CD44: variants seen among roughly 807,000 people sequenced by gnomAD.
CD44 encodes CD44 antigen.
CD44 carries 49 observed loss-of-function variants against 88.8 expected under a neutral mutation model. That is an observed-to-expected ratio of 0.55 (90% CI 0.44 to 0.70). CD44 has a LOEUF of 0.70. Ranked by LOEUF, CD44 falls within the 30% of genes least tolerant of loss-of-function variation. The probability of loss-of-function intolerance (pLI) is 0.00; values close to 1 mark genes in which losing one functional copy is unlikely to be tolerated. For missense variants in CD44, 883 were observed against 913.8 expected, an observed-to-expected ratio of 0.97 and a Z score of 0.43; for synonymous variants, 325 against 312.3, an observed-to-expected ratio of 1.04 and a Z score of -0.43.
chr11:35,223,907 A>T (rs1226284823), intron 17 of CD44, among the ~76,000 whole-genome samples: 1 of 152,190 alleles, frequency 6.6e-6, no homozygotes, highest in East Asian at 1.9e-4. Context: ...TGGGGCCTCC[A>T]ATAGGTGTTC....
rs777053022 is a variant in CD44, at chr11:35,206,238, G to A, written c.1409G>A (p.Arg470Lys). 1 of 1,607,596 alleles carries A rather than the reference G, an allele frequency of 6.2e-7. No individual in the cohort carries two copies. Among genetic ancestry groups the A allele is most frequent in the Non-Finnish European group, 8.5e-7 (1 of 1,177,278 alleles). The change falls in exon 11 of 18, where the codon AGG becomes AAG. Residue 470 changes from arginine (R) to lysine (K), a missense_variant. Physicochemically the swap from Arg to Lys is conservative, Grantham distance 26. Transcript: ENST00000428726. ...PMGRGHQAGR[R>K]MDMDSSHSIT... ...GGACGAGGTCATCAAGCAGGAAGAA[G>A]GATGGGTAATAGCCTCTGAGATTTT...
intron 15 of CD44, among the ~76,000 whole-genome samples, chr11:35,215,139 G>C (rs191258151): frequency 9.8e-5 from 15 of 152,338 alleles, no homozygotes; most frequent in African/African-American, 3.6e-4. Flanking sequence ...TTTCTAATCA[G>C]TTCCCTGGTA....
In CD44 at chr11:35,214,226, A is replaced by AC. The variant is rs540355307; in HGVS notation, c.1811-623dup. 1.4e-4 allele frequency among the ~76,000 whole-genome samples: 21 copies of AC among 152,308 alleles called. No individual in the cohort carries two copies. In the South Asian group the frequency reaches 4.4e-3, roughly 32 times the overall value. On this transcript the variant is annotated intron_variant, in intron 14 of 17. Transcript: ENST00000428726. ...AAAATTATTTTAAACTTACTATAAT[A>AC]CCCATATTCCAATACACATTATTAA...
rs905784283 is a variant in CD44 at position 35,204,378 on chromosome 11, G to T, written c.1154-134G>T. ...TCATATCCCTTTTAGAATATCAGTG[G>T]CCTGTTTCCTTGGTGCCTTTCTTTT... is the stretch of plus-strand genomic sequence containing the variant. On this transcript the variant is annotated intron_variant, in intron 9 of 17. Transcript: ENST00000428726. 7 of 718,882 alleles carry T rather than the reference G, an allele frequency of 9.7e-6. No homozygotes were observed. The Admixed American group carries it at 1.8e-4, about 18-fold the overall frequency. The allele number at this position is 718,882 out of a possible 1,614,324, so 44.5% of individuals were successfully genotyped here. A position where few individuals can be genotyped will look rare whatever the true frequency, so the allele number is the denominator to read the frequency against.
chr11:35,201,838 A>G, intron 9 of CD44, 51 bp downstream of exon 9: 1 of 1,579,572 alleles, frequency 6.3e-7, no homozygotes, highest in Non-Finnish European at 8.6e-7. Flanking sequence ...TAGTAAAGAC[A>G]TTCCAGCAAT....
chr11:35,162,028 C>T lies in CD44; in HGVS notation c.68-14547C>T, dbSNP rs190967091. ...TAACACTATGAGTATCTGAAATTAC[C>T]GTATTCATGTATTAATCATTTACCT... On this transcript the variant is annotated intron_variant, in intron 1 of 17. Coordinates refer to ENST00000428726, the MANE Select transcript of CD44 (RefSeq NM_000610.4). Among the ~76,000 whole-genome samples, 73 of 152,172 alleles carry T rather than the reference C, an allele frequency of 4.8e-4. 1 individual carries two copies. Among genetic ancestry groups the T allele is most frequent in the Admixed American group, 2.4e-3 (37 of 15,276 alleles).
chr11:35,198,733 C>G (rs190265226), intron 7 of CD44, among the ~76,000 whole-genome samples: 187 of 152,158 alleles, frequency 1.2e-3, no homozygotes, highest in Admixed American at 2.2e-3. Context: ...AATCCCAGCA[C>G]CCTGGGAGGC....
At chr11:35,198,628 G>C (rs1479534177) in intron 7 of CD44, 1 of 164,062 alleles carries the variant, frequency 6.1e-6, no homozygotes, top group African/African-American at 2.4e-5. Context: ...TTGCTTTTCA[G>C]AAGCTCATGG....
chr11:35,222,310 C>A, intron 17 of CD44: 1 of 766,780 alleles, frequency 1.3e-6, no homozygotes, highest in Non-Finnish European at 2.0e-6. Context: ...TTTTATTGGC[C>A]TTGTGCTTTT....
chr11:35,211,178 G>A (rs1485713687), intron 13 of CD44, 68 bp from the exon 14 acceptor site: 3 of 1,205,806 alleles, frequency 2.5e-6, no homozygotes, highest in Middle Eastern at 2.0e-4. Context: ...TGTGTGTTCT[G>A]GAGACAAGCA....
intron 1 of CD44, among the ~76,000 whole-genome samples, chr11:35,145,684 G>A (rs898919853): frequency 2.6e-5 from 4 of 152,208 alleles, no homozygotes; most frequent in South Asian, 2.1e-4. Flanking sequence ...ATACTGATAC[G>A]AGGTTGAGAT....
At chr11:35,195,561 C>T (rs906295282) in intron 5 of CD44, among the ~76,000 whole-genome samples, 11 of 151,682 alleles carry the variant, frequency 7.3e-5, no homozygotes, top group Non-Finnish European at 4.4e-5. Context: ...TTTGGGCTTT[C>T]TTGATAGCTG....
chr11:35,163,227 T>C (rs1428199423), intron 1 of CD44, among the ~76,000 whole-genome samples: 1 of 151,688 alleles, frequency 6.6e-6, no homozygotes, highest in Non-Finnish European at 1.5e-5. Flanking sequence ...GGCCACCAAG[T>C]GCCAAGGGTT....
chr11:35,156,189 GC>G, intron 1 of CD44, among the ~76,000 whole-genome samples: 1 of 152,250 alleles, frequency 6.6e-6, no homozygotes, highest in South Asian at 2.1e-4. Context: ...TGAGTCCAAA[GC>G]TTAAGGGTCT....
rs775735671 is a variant in CD44 at position 35,190,043 on chromosome 11, C to T, written c.645C>T (p.Ser215=). Residue 215 remains serine (S), a synonymous_variant, in exon 5 of 18, where the codon AGC becomes AGT. Coordinates refer to ENST00000428726, the MANE Select transcript of CD44 (RefSeq NM_000610.4). The stretch of plus-strand genomic sequence containing the variant: ...AAGACAGTCCCTGGATCACCGACAG[C>T]ACAGACAGAATCCCTGCTACCAGTA... ...PDEDSPWITD[S]TDRIPATTLM... is the part of the protein sequence containing the mutation. The T allele has an allele frequency of 1.2e-6, 2 of 1,613,966 alleles. No homozygotes were observed. Among genetic ancestry groups the T allele is most frequent in the South Asian group, 2.2e-5 (2 of 91,086 alleles).
Position 35,157,321 on chromosome 11 carries a change from G to GTCTGTCTGTCTA in CD44, c.67+17954_67+17955insGTCTGTCTATCT, listed in dbSNP as rs773512644. On this transcript the variant is annotated intron_variant, in intron 1 of 17. Transcript: ENST00000428726. The stretch of plus-strand genomic sequence containing the variant: ...CATCTATCCATCTATCTGTCTGTCT[G>GTCTGTCTGTCTA]TCTATCTATCTATCTATCTATCTAT... Among the ~76,000 whole-genome samples the GTCTGTCTGTCTA allele has an allele frequency of 6.3e-4, 93 of 147,286 alleles. 1 individual carries two copies. Among genetic ancestry groups the GTCTGTCTGTCTA allele is most frequent in the Middle Eastern group, 3.5e-3 (1 of 288 alleles).
chr11:35,213,717 T>G (rs983283059), intron 14 of CD44: 4 of 152,192 alleles, frequency 2.6e-5, no homozygotes, highest in Admixed American at 6.5e-5. Context: ...GTGATGGTGA[T>G]GGTGATAATG....
intron 17 of CD44, among the ~76,000 whole-genome samples, chr11:35,224,283 C>T (rs1662408396): frequency 1.3e-5 from 2 of 152,178 alleles, no homozygotes; most frequent in Non-Finnish European, 2.9e-5. Flanking sequence ...TCATCCAAAA[C>T]AGCTTTCTTT....
At chr11:35,204,815 A>AC (rs1310306164) in intron 10 of CD44, 175 bp downstream of exon 10, 2 of 575,836 alleles carry the variant, frequency 3.5e-6, no homozygotes, top group East Asian at 6.1e-5. Context: ...ATAACAAGTC[A>AC]CCTGAACAGG....
Sources: gnomAD v4.1 joint callset for allele counts (sites outside exome capture counted in the v4.1 genomes callset) on GRCh38, gnomAD v4.1.1 for gene constraint, MANE v1.5 for transcripts, NCBI Gene and HGNC (gene_info 2026-07-23, HGNC 2026-07-21) for gene names.